STK32C: variants seen among roughly 807,000 people sequenced by gnomAD.
STK32C encodes the protein serine/threonine kinase 32C, also known as serine/threonine-protein kinase 32C.
A neutral mutation model predicts 56.5 loss-of-function variants in STK32C; 31 were observed. The ratio of observed to expected loss-of-function variants is 0.55; its 90% CI spans 0.41 to 0.74. The LOEUF is 0.74. STK32C is among the 30% of genes least tolerant of loss of function. STK32C has a pLI of 0.00. For synonymous variants in STK32C, 309 were observed against 289.4 expected (o/e 1.07, Z -0.69); for missense variants, 544 against 676.9 (o/e 0.80, Z 2.18).
In STK32C at chr10:132,207,953, C is replaced by T; in HGVS notation, c.*57G>A. 7.9e-7 allele frequency: 1 copy of T among 1,270,084 alleles called. No homozygotes were observed. The highest frequency in any genetic ancestry group is 1.0e-6 in the Non-Finnish European group (1 of 1,002,194). The allele number at this position is 1,270,084 out of a possible 1,614,324, so 78.7% of individuals were successfully genotyped here. ...GCCAGGCCTCGGCCCATGGCCCTCC[C>T]TCTGGCAGCCGAGTCTCCAAAGCAG... On this transcript the variant is annotated 3_prime_UTR_variant, in exon 12 of 12. Transcript: ENST00000298630.
intron 1 of STK32C, among the ~76,000 whole-genome samples, chr10:132,267,176 C>G (rs1409100444): frequency 2.0e-5 from 3 of 152,220 alleles, no homozygotes; most frequent in South Asian, 4.1e-4. Flanking sequence ...AGGCAGTGAG[C>G]CAGCTGCAGT....
chr10:132,260,554 C>T (rs2064269646), intron 1 of STK32C, among the ~76,000 whole-genome samples: 1 of 152,220 alleles, frequency 6.6e-6, no homozygotes, highest in African/African-American at 2.4e-5. Context: ...TTGCAGGGGG[C>T]TGCTTCCCAG....
chr10:132,266,176 T>C (rs186919043), intron 1 of STK32C, among the ~76,000 whole-genome samples: 5 of 152,298 alleles, frequency 3.3e-5, no homozygotes, highest in Admixed American at 1.3e-4. Context: ...TCCCGATCCA[T>C]AGCCACGTGG....
At chr10:132,211,634 C>T (rs191901149) in intron 10 of STK32C, among the ~76,000 whole-genome samples, 40 of 152,228 alleles carry the variant, frequency 2.6e-4, no homozygotes, top group African/African-American at 9.2e-4. Flanking sequence ...CCTGGATCTG[C>T]CCTGCTCTTC....
intron 10 of STK32C, among the ~76,000 whole-genome samples, chr10:132,215,210 C>T (rs2062433094): frequency 6.6e-6 from 1 of 152,098 alleles, no homozygotes; most frequent in East Asian, 1.9e-4. Context: ...GACAGGGTCT[C>T]GCCATGTTGC....
At chr10:132,258,311 CT>C (rs1423824755) in intron 1 of STK32C, among the ~76,000 whole-genome samples, 1 of 152,268 alleles carries the variant, frequency 6.6e-6, no homozygotes, top group African/African-American at 2.4e-5. Context: ...CACATTAGCA[CT>C]TGGTAGAGTG....
intron 3 of STK32C, 34 bp downstream of exon 3, chr10:132,227,943 A>T (rs2062953368): frequency 2.5e-6 from 4 of 1,608,310 alleles, no homozygotes; most frequent in Non-Finnish European, 3.4e-6. Flanking sequence ...TCAGGACGGT[A>T]AGTCTTTCTG....
At chr10:132,287,318 C>T (rs2065435567) in intron 1 of STK32C, among the ~76,000 whole-genome samples, 1 of 151,844 alleles carries the variant, frequency 6.6e-6, no homozygotes, top group Admixed American at 6.6e-5. Flanking sequence ...TGGTGAAACC[C>T]CGTCTCTACT....
intron 10 of STK32C, among the ~76,000 whole-genome samples, chr10:132,219,485 C>T (rs550596260): frequency 1.2e-4 from 18 of 152,330 alleles, no homozygotes; most frequent in Admixed American, 1.0e-3. Context: ...GTTCCTAACT[C>T]ATCCTGGGCC....
intron 11 of STK32C, among the ~76,000 whole-genome samples, chr10:132,208,381 A>T (rs969215876): frequency 1.3e-5 from 2 of 152,198 alleles, no homozygotes; most frequent in Admixed American, 1.3e-4. Context: ...TCCAGCCAGA[A>T]GCCGAAAGGC....
intron 1 of STK32C, chr10:132,324,430 G>A (rs2138474785): frequency 1.4e-6 from 1 of 727,372 alleles, no homozygotes; most frequent in Non-Finnish European, 2.6e-6. Flanking sequence ...TTTCAAGGAA[G>A]AGCAATGTAT....
chr10:132,267,654 C>CGTGT lies in STK32C; in HGVS notation c.263-21700_263-21699insACAC, dbSNP rs1565128847. On this transcript the variant is annotated intron_variant, in intron 1 of 11. Transcript: ENST00000298630. ...GTCTGTGTGCATGCATGTCCCACATCATGTGTGTGTGTGTCGGTGTGTGTG... is the reference window on the plus strand; with the variant it reads ...GTCTGTGTGCATGCATGTCCCACATCGTGTATGTGTGTGTGTGTCGGTGTGTGTG... Among the ~76,000 whole-genome samples the CGTGT allele has an allele frequency of 1.7e-3, 226 of 130,522 alleles. 5 individuals are homozygous for CGTGT. Among genetic ancestry groups the CGTGT allele is most frequent in the African/African-American group, 6.6e-3 (204 of 30,748 alleles). 85.6% of individuals were successfully genotyped at this position (130,522 alleles called of 152,430 possible). A position where few individuals can be genotyped will look rare whatever the true frequency, so the allele number is the denominator to read the frequency against.
upstream of STK32C, among the ~76,000 whole-genome samples, chr10:132,308,938 T>C (rs2066167379): frequency 6.6e-6 from 1 of 152,062 alleles, no homozygotes; most frequent in African/African-American, 2.4e-5. Context: ...GAAGAATCAG[T>C]TTTTGCTACC....
At chr10:132,211,282 C>A (rs568578845) in intron 10 of STK32C, among the ~76,000 whole-genome samples, 1 of 152,290 alleles carries the variant, frequency 6.6e-6, no homozygotes, top group African/African-American at 2.4e-5. Flanking sequence ...GAGGGTCCGA[C>A]TGAGCCGCTG....
intron 1 of STK32C, among the ~76,000 whole-genome samples, chr10:132,265,525 G>A (rs557396389): frequency 1.3e-5 from 2 of 152,296 alleles, no homozygotes; most frequent in South Asian, 2.1e-4. Context: ...AGAGGACACG[G>A]TGCAGAGAGA....
chr10:132,221,431 C>T (rs1386080788), intron 10 of STK32C, among the ~76,000 whole-genome samples: 10 of 134,494 alleles, frequency 7.4e-5, no homozygotes, highest in African/African-American at 2.0e-4. Context: ...GAGGGCTTCA[C>T]GTGGCCATCC....
At position 132,301,338 on chromosome 10, in the gene STK32C, G is replaced by A. The variant is rs538572326; in HGVS notation, c.262+6234C>T. The stretch of plus-strand genomic sequence containing the variant: ...CCCAACCAGGAAGAGACAGGGTCAG[G>A]GCCACAGGGCACAGGCCCTTACTTG... On this transcript the variant is annotated intron_variant, in intron 1 of 11. Transcript: ENST00000298630. 7.2e-5 allele frequency among the ~76,000 whole-genome samples: 11 copies of A among 152,340 alleles called. No individual in the cohort carries two copies. The South Asian group carries it at 2.1e-3, about 29-fold the overall frequency.
chr10:132,264,035 C>T (rs891247631), intron 1 of STK32C, among the ~76,000 whole-genome samples: 1 of 152,136 alleles, frequency 6.6e-6, no homozygotes, highest in African/African-American at 2.4e-5. Context: ...CCCAGTGCCA[C>T]GACCCAGGGA....
At chr10:132,312,491 G>A (rs1050424404), upstream of STK32C, among the ~76,000 whole-genome samples, 1 of 152,120 alleles carries the variant, frequency 6.6e-6, no homozygotes, top group Non-Finnish European at 1.5e-5. Context: ...TGGAAAATAT[G>A]CTTCCAAGGT....
Sources: allele counts gnomAD v4.1 joint callset (sites outside exome capture counted in the v4.1 genomes callset), GRCh38; gene constraint gnomAD v4.1.1; transcripts MANE v1.5; gene names NCBI Gene and HGNC (gene_info 2026-07-23, HGNC 2026-07-21).